The following LYN variants were observed in gnomAD, a reference collection of about 807,000 sequenced individuals.
The protein encoded by LYN is LYN proto-oncogene, Src family tyrosine kinase, also known as tyrosine-protein kinase Lyn.
LYN carries 12 observed loss-of-function variants against 65.0 expected under a neutral mutation model. The observed-to-expected ratio is 0.18, with a 90% CI of 0.12 to 0.30. The LOEUF is 0.30. Among genes scored for constraint, LYN ranks in the 10% least tolerant of loss-of-function variants. The pLI, the probability that LYN is intolerant of heterozygous loss-of-function variation, is 1.00. For missense variants in LYN, 380 were observed against 623.2 expected, an observed-to-expected ratio of 0.61 and a Z score of 4.16; for synonymous variants, 222 against 221.2, an observed-to-expected ratio of 1.00 and a Z score of -0.03.
At chr8:55,983,990 G>T (rs776630083) in intron 10 of LYN, among the ~76,000 whole-genome samples, 1 of 152,092 alleles carries the variant, frequency 6.6e-6, no homozygotes, top group Non-Finnish European at 1.5e-5. Context: ...GAATCCTTCC[G>T]TACCTCTTCC....
chr8:55,889,990 T>G (rs1387622352), intron 1 of LYN, among the ~76,000 whole-genome samples: 1 of 151,810 alleles, frequency 6.6e-6, no homozygotes. Context: ...AAAAGCAAGT[T>G]GCTTAGCTGG....
rs557759804 is a variant in LYN at position 55,991,152 on chromosome 8, C to G, written c.1051-7194C>G. 3.9e-5 allele frequency among the ~76,000 whole-genome samples: 6 copies of G among 152,352 alleles called. No individual in the cohort carries two copies. The South Asian group carries it at 1.2e-3, about 32-fold the overall frequency. Reference sequence around the variant, plus strand: ...CCCTGATCCCACTCTGCCACCAGCCCTGACAGCTGGGTTGCCTCCACCTGG... The same window carrying G: ...CCCTGATCCCACTCTGCCACCAGCCGTGACAGCTGGGTTGCCTCCACCTGG... On this transcript the variant is annotated intron_variant, in intron 10 of 12. Transcript: ENST00000519728.
chr8:55,913,906 G>T (rs927985861), intron 1 of LYN, among the ~76,000 whole-genome samples: 1 of 152,152 alleles, frequency 6.6e-6, no homozygotes, highest in African/African-American at 2.4e-5. Flanking sequence ...CTGCGAGAGA[G>T]GATGAGTTGG....
intron 1 of LYN, among the ~76,000 whole-genome samples, chr8:55,929,726 C>G (rs1296389057): frequency 1.3e-5 from 2 of 152,254 alleles, no homozygotes; most frequent in African/African-American, 4.8e-5. Context: ...TGCTAAGTAT[C>G]CTACAATACA....
chr8:55,993,285 C>A (rs1808296395), intron 10 of LYN, among the ~76,000 whole-genome samples: 1 of 152,152 alleles, frequency 6.6e-6, no homozygotes, highest in Non-Finnish European at 1.5e-5. Flanking sequence ...AAATGGGAAC[C>A]AGAACTTGGC....
Position 55,978,977 on chromosome 8 carries a change from C to A in LYN, c.1050+9184C>A, listed in dbSNP as rs571142881. Among the ~76,000 whole-genome samples, 4 of 152,144 alleles carry A rather than the reference C, an allele frequency of 2.6e-5. No homozygotes were observed. The East Asian group carries it at 7.7e-4, about 29-fold the overall frequency. ...GCTTTTCTCTCCATGCTTCCCTGAC[C>A]GCTCAGCATGCCTCACTCTTGAAAA... is the stretch of plus-strand genomic sequence containing the variant. On this transcript the variant is annotated intron_variant, in intron 10 of 12. Transcript: ENST00000519728.
At chr8:55,986,777 G>C (rs1808084893) in intron 10 of LYN, among the ~76,000 whole-genome samples, 3 of 152,094 alleles carry the variant, frequency 2.0e-5, no homozygotes, top group African/African-American at 7.2e-5. Context: ...CTAGGCTAGA[G>C]AGCAGTGATG....
At position 56,013,837 on chromosome 8, in the gene LYN, A is replaced by G. The variant is rs2130610987; in HGVS notation, c.*3727A>G. 1 of 152,090 alleles carries G rather than the reference A, an allele frequency of 6.6e-6. No individual in the cohort carries two copies. Among genetic ancestry groups the G allele is most frequent in the East Asian group, 1.9e-4 (1 of 5,180 alleles). The allele number at this position is 152,090 out of a possible 1,614,324, so 9.4% of individuals were successfully genotyped here. ...CTCTTAGCATCTTCCTTTATTTTCC[A>G]CTTCTGGCTGGTGGAAGAGAGATCG... On this transcript the variant is annotated 3_prime_UTR_variant, in exon 13 of 13. Transcript: ENST00000519728.
At chr8:55,966,390 C>T (rs1401040526) in intron 8 of LYN, among the ~76,000 whole-genome samples, 8 of 148,144 alleles carry the variant, frequency 5.4e-5, no homozygotes, top group South Asian at 4.2e-4. Context: ...TTAATTGAGA[C>T]GGAGTCGCAC....
At chr8:55,982,325 A>G (rs1328251222) in intron 10 of LYN, among the ~76,000 whole-genome samples, 1 of 151,934 alleles carries the variant, frequency 6.6e-6, no homozygotes, top group Non-Finnish European at 1.5e-5. Context: ...TTTAATCCTC[A>G]GATTTTTGAA....
chr8:55,917,175 A>G (rs556098422), intron 1 of LYN, among the ~76,000 whole-genome samples: 325 of 123,780 alleles, frequency 2.6e-3, no homozygotes, highest in Middle Eastern at 0.011. Flanking sequence ...GATTCTGTCT[A>G]AAAAAAAAAA....
At chr8:55,927,731 G>A (rs1309418264) in intron 1 of LYN, among the ~76,000 whole-genome samples, 1 of 152,066 alleles carries the variant, frequency 6.6e-6, no homozygotes, top group Non-Finnish European at 1.5e-5. Flanking sequence ...AGCTACTCAG[G>A]AGACTGAGGC....
At chr8:55,994,857 T>C (rs1808333617) in intron 10 of LYN, among the ~76,000 whole-genome samples, 1 of 152,230 alleles carries the variant, frequency 6.6e-6, no homozygotes, top group Non-Finnish European at 1.5e-5. Flanking sequence ...GCTCAATTGC[T>C]GCTGTCTCAT....
intron 8 of LYN, among the ~76,000 whole-genome samples, chr8:55,963,106 G>A (rs990137085): frequency 6.6e-6 from 1 of 152,230 alleles, no homozygotes; most frequent in Non-Finnish European, 1.5e-5. Context: ...GAGATTTGGA[G>A]AGGACAAACA....
At chr8:55,905,844 T>C (rs542956909) in intron 1 of LYN, among the ~76,000 whole-genome samples, 8 of 151,992 alleles carry the variant, frequency 5.3e-5, no homozygotes, top group African/African-American at 1.7e-4. Flanking sequence ...GCCTGGAGTG[T>C]CTCCCATGCA....
chr8:55,962,097 C>A (rs1807301348), intron 8 of LYN, among the ~76,000 whole-genome samples: 1 of 152,228 alleles, frequency 6.6e-6, no homozygotes, highest in Non-Finnish European at 1.5e-5. Flanking sequence ...TGGTGAGAGG[C>A]ATCCATGCTT....
At chr8:55,907,283 C>T (rs981355453) in intron 1 of LYN, among the ~76,000 whole-genome samples, 3 of 152,174 alleles carry the variant, frequency 2.0e-5, no homozygotes, top group Admixed American at 2.0e-4. Context: ...ATATTCAACA[C>T]TGATTGAATC....
At chr8:55,884,695 G>T (rs1276113545) in intron 1 of LYN, among the ~76,000 whole-genome samples, 3 of 151,660 alleles carry the variant, frequency 2.0e-5, no homozygotes, top group Non-Finnish European at 4.4e-5. Flanking sequence ...CCTTAGGTGA[G>T]CCCGCCTCGG....
chr8:55,966,926 C>G, intron 9 of LYN, 29 bp downstream of exon 9: 1 of 1,592,004 alleles, frequency 6.3e-7, no homozygotes. Flanking sequence ...CCAGAGCTTG[C>G]AAGGGCTTCA....
Sources: allele counts gnomAD v4.1 joint callset (sites outside exome capture counted in the v4.1 genomes callset), GRCh38; gene constraint gnomAD v4.1.1; transcripts MANE v1.5; gene names NCBI Gene and HGNC (gene_info 2026-07-23, HGNC 2026-07-21).